CRPPA: variants seen among roughly 807,000 people sequenced by gnomAD.
CRPPA encodes D-ribitol-5-phosphate cytidylyltransferase.
Under a neutral mutation model 52.0 loss-of-function variants are expected in CRPPA, and 43 were observed. The observed-to-expected ratio is 0.83, with a 90% confidence interval of 0.65 to 1.07. The LOEUF is 1.07. Ranked by LOEUF, CRPPA falls within the 50% of genes least tolerant of loss-of-function variation. CRPPA has a pLI of 0.00. For synonymous variants in CRPPA, 250 were observed against 203.5 expected, an observed-to-expected ratio of 1.23 and a Z score of -1.94; for missense variants, 629 against 551.7, an observed-to-expected ratio of 1.14 and a Z score of -1.40.
intron 9 of CRPPA, among the ~76,000 whole-genome samples, chr7:16,112,825 A>G (rs1782294288): frequency 6.6e-6 from 1 of 152,140 alleles, no homozygotes; most frequent in Admixed American, 6.5e-5. Flanking sequence ...TATTTCAGGA[A>G]CTTACCTGAT....
chr7:16,126,793 G>A (rs1308538576), intron 9 of CRPPA, among the ~76,000 whole-genome samples: 1 of 152,066 alleles, frequency 6.6e-6, no homozygotes, highest in East Asian at 1.9e-4. Flanking sequence ...AGATACAAGA[G>A]TTCCAAAAAT....
intron 8 of CRPPA, among the ~76,000 whole-genome samples, chr7:16,252,004 A>C (rs1460808776): frequency 6.6e-6 from 1 of 152,192 alleles, no homozygotes; most frequent in Admixed American, 6.5e-5. Context: ...AAAAGAAAAG[A>C]GAGAAGAATC....
chr7:16,371,053 C>A (rs1020054047), intron 3 of CRPPA, among the ~76,000 whole-genome samples: 1 of 152,172 alleles, frequency 6.6e-6, no homozygotes, highest in Non-Finnish European at 1.5e-5. Context: ...AGGTAGATCG[C>A]TTTCCTGCTG....
chr7:16,182,422 T>C (rs1017637897), intron 9 of CRPPA, among the ~76,000 whole-genome samples: 10 of 152,182 alleles, frequency 6.6e-5, no homozygotes, highest in African/African-American at 2.2e-4. Context: ...ATTGTCACCG[T>C]AGTTTGTAAG....
chr7:16,243,176 T>C (rs1200080420), intron 8 of CRPPA, among the ~76,000 whole-genome samples: 1 of 152,142 alleles, frequency 6.6e-6, no homozygotes, highest in African/African-American at 2.4e-5. Context: ...TCTGATTGTT[T>C]TGTAAGTGTT....
intron 9 of CRPPA, among the ~76,000 whole-genome samples, chr7:16,126,246 A>G (rs146233040): frequency 6.6e-6 from 1 of 152,284 alleles, no homozygotes; most frequent in Non-Finnish European, 1.5e-5. Context: ...GGCAACAAGT[A>G]TGTTTATCTA....
chr7:16,374,468 T>C (rs1786828994), intron 3 of CRPPA, among the ~76,000 whole-genome samples: 2 of 152,162 alleles, frequency 1.3e-5, no homozygotes, highest in Admixed American at 6.5e-5. Context: ...GAGCCAATTC[T>C]CCCTAATAAA....
At chr7:16,368,846 A>T (rs557799239) in intron 3 of CRPPA, among the ~76,000 whole-genome samples, 3 of 152,224 alleles carry the variant, frequency 2.0e-5, no homozygotes, top group Non-Finnish European at 4.4e-5. Context: ...ATAATTTTTC[A>T]GATGAATTTC....
chr7:16,130,118 A>T (rs1158713365), intron 9 of CRPPA, among the ~76,000 whole-genome samples: 1 of 152,226 alleles, frequency 6.6e-6, no homozygotes, highest in African/African-American at 2.4e-5. Flanking sequence ...GATAGGAGTT[A>T]TGTGTAAACA....
chr7:16,227,800 T>C (rs975011010), intron 8 of CRPPA, among the ~76,000 whole-genome samples: 20 of 151,898 alleles, frequency 1.3e-4, no homozygotes, highest in African/African-American at 4.3e-4. Context: ...CTTGGAGTCA[T>C]ACTAATAAGT....
chr7:16,207,748 A>G (rs114464404), intron 9 of CRPPA, among the ~76,000 whole-genome samples: 4 of 152,230 alleles, frequency 2.6e-5, no homozygotes, highest in African/African-American at 9.6e-5. Context: ...TCAAAATATC[A>G]GAAACTGGAC....
chr7:16,104,381 T>G (rs550278317), intron 9 of CRPPA, among the ~76,000 whole-genome samples: 1 of 152,250 alleles, frequency 6.6e-6, no homozygotes, highest in South Asian at 2.1e-4. Context: ...AATCAACATA[T>G]AGATGAAGTC....
At chr7:16,200,725 A>G (rs956849723) in intron 9 of CRPPA, among the ~76,000 whole-genome samples, 4 of 152,226 alleles carry the variant, frequency 2.6e-5, no homozygotes, top group Admixed American at 1.3e-4. Context: ...GTACATTTAA[A>G]TGCTTAGTAT....
intron 9 of CRPPA, among the ~76,000 whole-genome samples, chr7:16,098,381 C>T (rs988009051): frequency 6.6e-6 from 1 of 152,160 alleles, no homozygotes; most frequent in African/African-American, 2.4e-5. Flanking sequence ...TAAGGGTAAA[C>T]ATTTACATTG....
At chr7:16,353,490 T>A (rs4721492) in intron 3 of CRPPA, among the ~76,000 whole-genome samples, 1 of 152,148 alleles carries the variant, frequency 6.6e-6, no homozygotes, top group Non-Finnish European at 1.5e-5. Flanking sequence ...CTTCTGGTGA[T>A]CTATTGCATA....
At position 16,330,264 on chromosome 7, in the gene CRPPA, G is replaced by C. The variant is rs189167212; in HGVS notation, c.685-21637C>G. ...TATCCAAACTGTACGACACAGCTTA[G>C]CAGAAATGAGTGGATTCCATTCTCC... On this transcript the variant is annotated intron_variant, in intron 3 of 9. Transcript: ENST00000407010. Among the ~76,000 whole-genome samples, 56 of 152,318 alleles carry C rather than the reference G, an allele frequency of 3.7e-4. No homozygotes were observed. The East Asian group carries it at 0.011, about 29-fold the overall frequency.
intron 9 of CRPPA, among the ~76,000 whole-genome samples, chr7:16,121,316 C>A (rs1562514348): frequency 3.3e-5 from 5 of 152,100 alleles, no homozygotes; most frequent in Non-Finnish European, 7.4e-5. Context: ...AATGATTTGG[C>A]AGCAGAAAAT....
intron 1 of CRPPA, among the ~76,000 whole-genome samples, chr7:16,408,874 G>A (rs1788017179): frequency 6.6e-6 from 1 of 152,134 alleles, no homozygotes; most frequent in Non-Finnish European, 1.5e-5. Context: ...ACTGATGCAG[G>A]GCCTCAAGCC....
At chr7:16,280,602 TGC>T (rs1784302106) in intron 5 of CRPPA, among the ~76,000 whole-genome samples, 2 of 152,234 alleles carry the variant, frequency 1.3e-5, no homozygotes, top group South Asian at 4.1e-4. Context: ...AGGTTTTCCT[TGC>T]CTTGTTTCAT....
Sources: allele counts gnomAD v4.1 joint callset (sites outside exome capture counted in the v4.1 genomes callset), GRCh38; gene constraint gnomAD v4.1.1; transcripts MANE v1.5; gene names NCBI Gene and HGNC (gene_info 2026-07-23, HGNC 2026-07-21).